The following OPHN1 variants were observed in gnomAD, a reference collection of about 807,000 sequenced individuals.
The protein encoded by OPHN1 is oligophrenin 1, also known as oligophrenin-1.
OPHN1 carries 11 observed loss-of-function variants against 60.7 expected under a neutral mutation model. The ratio of observed to expected loss-of-function variants is 0.18; its 90% CI spans 0.11 to 0.30. The LOEUF (loss-of-function observed/expected upper bound fraction) is 0.30. Among genes scored for constraint, OPHN1 ranks in the 10% least tolerant of loss-of-function variants. The pLI, the probability that OPHN1 is intolerant of heterozygous loss-of-function variation, is 1.00. For missense variants in OPHN1, 449 were observed against 611.0 expected (o/e 0.73, Z 2.80); for synonymous variants, 226 against 222.6 (o/e 1.02, Z -0.14).
intron 2 of OPHN1, among the ~76,000 whole-genome samples, chrX:68,426,699 C>CAAAAGAAAAAA (rs2078859773): frequency 2.7e-5 from 1 of 36,716 alleles, no homozygotes; most frequent in African/African-American, 7.7e-5. Context: ...CGCATCTCTC[C>CAAAAGAAAAAA]AAAAAAAAAA....
At chrX:68,392,847 C>T (rs2078660468) in intron 2 of OPHN1, among the ~76,000 whole-genome samples, 1 of 109,598 alleles carries the variant, frequency 9.1e-6, no homozygotes, top group African/African-American at 3.3e-5. Flanking sequence ...CCACTCGATC[C>T]CCCCTTCCAG....
chrX:68,327,575 G>A (rs1602329029), intron 2 of OPHN1, among the ~76,000 whole-genome samples: 1 of 47,065 alleles, frequency 2.1e-5, no homozygotes, highest in East Asian at 5.8e-4. Context: ...AGATGCTTGA[G>A]GGCAGCATGC....
At chrX:68,238,519 G>A (rs1256893547) in intron 5 of OPHN1, among the ~76,000 whole-genome samples, 4 of 110,264 alleles carry the variant, frequency 3.6e-5, no homozygotes, top group South Asian at 3.8e-4. Context: ...TAATATTAAC[G>A]AAATCCATTT....
At chrX:68,048,500 G>A in intron 23 of OPHN1, 43 bp from the exon 24 acceptor site, 2 of 1,133,674 alleles carry the variant, frequency 1.8e-6, no homozygotes, top group Non-Finnish European at 2.4e-6. Context: ...CTAGAAATCA[G>A]GACTGGAAAG....
chrX:68,312,786 A>C (rs1255823859), intron 2 of OPHN1, among the ~76,000 whole-genome samples: 1 of 111,772 alleles, frequency 8.9e-6, no homozygotes, highest in Non-Finnish European at 1.9e-5. Context: ...GAAAAAATAG[A>C]GATGACACAA....
chrX:68,277,519 G>T (rs2077997404), intron 4 of OPHN1, among the ~76,000 whole-genome samples: 1 of 112,513 alleles, frequency 8.9e-6, no homozygotes, highest in Non-Finnish European at 1.9e-5. Flanking sequence ...GCCAGGTGCA[G>T]TGGCTCACAC....
At chrX:68,312,586 C>A (rs1485145479) in intron 2 of OPHN1, among the ~76,000 whole-genome samples, 1 of 110,464 alleles carries the variant, frequency 9.1e-6, no homozygotes. Context: ...TATCTTGAAT[C>A]AGTAATCTAA....
intron 15 of OPHN1, among the ~76,000 whole-genome samples, chrX:68,186,468 A>G (rs2077462799): frequency 9.3e-6 from 1 of 107,568 alleles, no homozygotes; most frequent in East Asian, 2.9e-4. Flanking sequence ...GTTTGACAAT[A>G]TTACAGTAAA....
intron 19 of OPHN1, among the ~76,000 whole-genome samples, chrX:68,077,664 C>T (rs1473737246): frequency 8.9e-6 from 1 of 112,070 alleles, no homozygotes; most frequent in African/African-American, 3.2e-5. Flanking sequence ...TAAAAGCATA[C>T]ACATTAAATT....
intron 5 of OPHN1, among the ~76,000 whole-genome samples, chrX:68,252,370 A>T (rs2077840370): frequency 8.9e-6 from 1 of 112,219 alleles, no homozygotes; most frequent in Admixed American, 9.5e-5. Context: ...TCCTGGCAAT[A>T]ATACTGTCTT....
At chrX:68,198,258 G>A (rs779464674) in intron 11 of OPHN1, among the ~76,000 whole-genome samples, 2 of 110,934 alleles carry the variant, frequency 1.8e-5, no homozygotes, top group African/African-American at 6.6e-5. Context: ...ACTTGAAAGA[G>A]TAGGTTCATT....
intron 2 of OPHN1, among the ~76,000 whole-genome samples, chrX:68,311,695 A>AGT (rs1220680953): frequency 8.9e-6 from 1 of 111,986 alleles, no homozygotes; most frequent in East Asian, 2.8e-4. Flanking sequence ...GGCCTCCCAA[A>AGT]GTGTTGGGAT....
In OPHN1 at chrX:68,046,505, A is replaced by T. The variant is rs1168171861; in HGVS notation, c.*667T>A. The T allele has an allele frequency of 8.9e-6, 1 of 112,332 alleles. No individual in the cohort carries two copies. Among genetic ancestry groups the T allele is most frequent in the Non-Finnish European group, 1.9e-5 (1 of 53,306 alleles). 9.3% of individuals were successfully genotyped at this position (112,332 alleles called of 1,213,427 possible). Reference sequence around the variant, plus strand: ...TTGCAGATTTGTCCTAAGTGGCTGCATGTAACAGCAGGAAGGCCACCTTCC... The same window carrying T: ...TTGCAGATTTGTCCTAAGTGGCTGCTTGTAACAGCAGGAAGGCCACCTTCC... On this transcript the variant is annotated 3_prime_UTR_variant, in exon 25 of 25. Coordinates refer to ENST00000355520, the MANE Select transcript of OPHN1 (RefSeq NM_002547.3).
At chrX:68,333,668 C>T (rs998744366) in intron 2 of OPHN1, among the ~76,000 whole-genome samples, 11 of 108,190 alleles carry the variant, frequency 1.0e-4, no homozygotes, top group African/African-American at 3.8e-4. Context: ...AGCGCGCGTG[C>T]GTGCACACAC....
intron 3 of OPHN1, among the ~76,000 whole-genome samples, chrX:68,293,298 A>G (rs2078078804): frequency 8.9e-6 from 1 of 112,054 alleles, no homozygotes; most frequent in East Asian, 2.8e-4. Context: ...CTCAACCAAG[A>G]GGTTTATGAT....
chrX:68,090,894 C>T (rs2077014945), intron 19 of OPHN1, among the ~76,000 whole-genome samples: 1 of 111,426 alleles, frequency 9.0e-6, no homozygotes. Context: ...CAAAAATAAT[C>T]AACTATTCTC....
chrX:68,371,279 G>A (rs940661388), intron 2 of OPHN1, among the ~76,000 whole-genome samples: 7 of 106,703 alleles, frequency 6.6e-5, no homozygotes, highest in Non-Finnish European at 9.6e-5. Context: ...GTGCAGTGGC[G>A]TTATGACGGC....
chrX:68,309,680 T>C (rs1241559972), intron 2 of OPHN1, among the ~76,000 whole-genome samples: 1 of 112,308 alleles, frequency 8.9e-6, no homozygotes, highest in Non-Finnish European at 1.9e-5. Flanking sequence ...CACCAATATA[T>C]ACATTCTGAG....
At chrX:68,218,154 C>T (rs371742435) in intron 6 of OPHN1, among the ~76,000 whole-genome samples, 7 of 92,397 alleles carry the variant, frequency 7.6e-5, no homozygotes, top group Middle Eastern at 5.2e-3. Flanking sequence ...GGAGCCGATG[C>T]GATCAACTGG....
Sources: allele counts gnomAD v4.1 joint callset (sites outside exome capture counted in the v4.1 genomes callset), GRCh38; gene constraint gnomAD v4.1.1; transcripts MANE v1.5; gene names NCBI Gene and HGNC (gene_info 2026-07-23, HGNC 2026-07-21).